Variants in NUP58 observed in about 807,000 individuals in gnomAD.
NUP58 encodes the protein nucleoporin p58/p45.
A neutral mutation model predicts 70.1 loss-of-function variants in NUP58; 17 were observed. The observed-to-expected ratio is 0.24, with a 90% confidence interval of 0.17 to 0.36. The LOEUF (loss-of-function observed/expected upper bound fraction) is 0.36, where lower values mean the gene tolerates loss of function less well. NUP58 is among the 10% of genes least tolerant of loss of function. NUP58 has a pLI of 1.00. For synonymous variants in NUP58, 275 were observed against 257.6 expected (o/e 1.07, Z -0.65); for missense variants, 644 against 701.5 (o/e 0.92, Z 0.93).
downstream of NUP58, among the ~76,000 whole-genome samples, chr13:25,344,006 TATACAA>T (rs1404871029): frequency 6.6e-6 from 1 of 152,066 alleles, no homozygotes; most frequent in Non-Finnish European, 1.5e-5. Context: ...CCCAAAATGC[TATACAA>T]ATATATACTC....
Position 25,301,894 on chromosome 13 carries a change from C to G in NUP58, c.107+14C>G. ...GGGAGCGTCTAGGTAACCGCACTTT[C>G]TCGCCTTCCTGGGCCGGATTCACCC... On this transcript the variant is annotated intron_variant, in intron 1 of 15. Transcript: ENST00000381736. The G allele has an allele frequency of 6.4e-7, 1 of 1,573,618 alleles. No homozygotes were observed. The highest frequency in any genetic ancestry group is 1.3e-5 in the African/African-American group (1 of 74,422).
rs143328918 is a variant in NUP58, at chr13:25,309,646, A to G, written c.286+364A>G. 3.7e-3 allele frequency among the ~76,000 whole-genome samples: 568 copies of G among 152,292 alleles called. 8 individuals carry two copies. The highest frequency in any genetic ancestry group is 0.013 in the African/African-American group (545 of 41,542). On this transcript the variant is annotated intron_variant, in intron 3 of 15. Coordinates refer to ENST00000381736, the MANE Select transcript of NUP58 (RefSeq NM_014089.4). Reference sequence around the variant, plus strand: ...TAAAATACTTGTGAGGCCTTAGGTAATGTTTGGGGCTTTTAGTTATCTATA... The same window carrying G: ...TAAAATACTTGTGAGGCCTTAGGTAGTGTTTGGGGCTTTTAGTTATCTATA...
At position 25,340,617 on chromosome 13, in the gene NUP58, T is replaced by G. The variant is rs2031925727; in HGVS notation, c.*483T>G. On this transcript the variant is annotated 3_prime_UTR_variant, in exon 16 of 16. Coordinates refer to ENST00000381736, the MANE Select transcript of NUP58 (RefSeq NM_014089.4). ...ATACAGAATAATACACACAGTTGTG[T>G]GTGCATATAAAATACATATTTACGC... The G allele has an allele frequency of 6.6e-6, 1 of 152,280 alleles. No individual in the cohort carries two copies. The highest frequency in any genetic ancestry group is 6.5e-5 in the Admixed American group (1 of 15,290). The allele number at this position is 152,280 out of a possible 1,614,324, so 9.4% of individuals were successfully genotyped here.
chr13:25,311,904 G>T (rs1446450873), intron 3 of NUP58, among the ~76,000 whole-genome samples: 2 of 152,112 alleles, frequency 1.3e-5, no homozygotes, highest in Non-Finnish European at 2.9e-5. Flanking sequence ...AGGATGACTG[G>T]TTTCTGGCTT....
At chr13:25,306,251 A>G (rs1287705371) in intron 1 of NUP58, among the ~76,000 whole-genome samples, 3 of 151,996 alleles carry the variant, frequency 2.0e-5, no homozygotes, top group African/African-American at 7.3e-5. Flanking sequence ...TAAAAATACA[A>G]AAAATTAGCT....
intron 12 of NUP58, 114 bp from the exon 13 acceptor site, chr13:25,331,243 G>T (rs1179615011): frequency 7.2e-6 from 7 of 973,046 alleles, no homozygotes; most frequent in East Asian, 2.6e-5. Flanking sequence ...TTGCAGTTTG[G>T]ATTGAATGTA....
intron 13 of NUP58, chr13:25,335,220 A>T: frequency 1.0e-6 from 1 of 985,124 alleles, no homozygotes; most frequent in East Asian, 1.1e-4. Flanking sequence ...ATCATTAGAT[A>T]TGAGTTCTTG....
At chr13:25,322,265 T>G (rs2031218113) in intron 9 of NUP58, among the ~76,000 whole-genome samples, 1 of 152,232 alleles carries the variant, frequency 6.6e-6, no homozygotes, top group Non-Finnish European at 1.5e-5. Context: ...TTAAAGGTGC[T>G]TTTGGGTCTT....
chr13:25,332,816 T>A (rs1593198120), intron 13 of NUP58: 2 of 985,428 alleles, frequency 2.0e-6, no homozygotes, highest in Middle Eastern at 5.2e-4. Flanking sequence ...AAAAAGTCAT[T>A]ATGGGATTGA....
downstream of NUP58, among the ~76,000 whole-genome samples, chr13:25,347,129 A>C (rs924651654): frequency 6.6e-6 from 1 of 152,158 alleles, no homozygotes. Flanking sequence ...TGTGAAATGT[A>C]GTATTGACTG....
rs552258921 is a variant in NUP58 at position 25,315,698 on chromosome 13, CTT to C, written c.685+235_685+236del. 7.2e-5 allele frequency among the ~76,000 whole-genome samples: 11 copies of C among 152,022 alleles called. No individual in the cohort carries two copies. The South Asian group carries it at 1.5e-3, about 20-fold the overall frequency. ...CAGAAGCATTTGTCTGTCAGTAACT[CTT>C]TTTAAATATTTTAATGCTGCTTAAT... On this transcript the variant is annotated intron_variant, in intron 6 of 15. Coordinates refer to ENST00000381736, the MANE Select transcript of NUP58 (RefSeq NM_014089.4).
chr13:25,316,748 C>G (rs1487876992), intron 6 of NUP58, among the ~76,000 whole-genome samples: 1 of 152,012 alleles, frequency 6.6e-6, no homozygotes, highest in Non-Finnish European at 1.5e-5. Flanking sequence ...TGTTTTTAGG[C>G]TCAAAGAGCA....
chr13:25,346,131 A>G (rs555776529), downstream of NUP58, among the ~76,000 whole-genome samples: 2 of 152,328 alleles, frequency 1.3e-5, no homozygotes, highest in Admixed American at 6.5e-5. Flanking sequence ...TTAGGAATAT[A>G]AATACATATG....
intron 1 of NUP58, chr13:25,302,860 C>G (rs2030096595): frequency 2.4e-6 from 1 of 424,398 alleles, no homozygotes. Flanking sequence ...GTTATTCTTA[C>G]TCTACTCGCT....
intron 9 of NUP58, among the ~76,000 whole-genome samples, chr13:25,324,386 G>T (rs74042920): frequency 0.021 from 3,231 of 152,228 alleles, 128 homozygotes; most frequent in African/African-American, 0.075. Context: ...ACATTGGCTG[G>T]AATTGTAGAA....
intron 10 of NUP58, 78 bp downstream of exon 10, chr13:25,325,146 T>A: frequency 2.0e-6 from 2 of 980,758 alleles, no homozygotes; most frequent in Non-Finnish European, 3.1e-6. Flanking sequence ...ACAAACTAAA[T>A]ATTTTTAGTA....
chr13:25,328,152 T>A (rs1484198683), intron 12 of NUP58, among the ~76,000 whole-genome samples: 1 of 149,688 alleles, frequency 6.7e-6, no homozygotes, highest in Non-Finnish European at 1.5e-5. Context: ...TGAGCCGAGA[T>A]CACACCACTG....
At chr13:25,319,102 A>G (rs2137766715) in intron 6 of NUP58, among the ~76,000 whole-genome samples, 1 of 152,252 alleles carries the variant, frequency 6.6e-6, no homozygotes, top group Admixed American at 6.5e-5. Flanking sequence ...TTGAAAGTAT[A>G]TGTACATCTG....
chr13:25,347,161 G>A (rs551516751), downstream of NUP58, among the ~76,000 whole-genome samples: 1 of 152,310 alleles, frequency 6.6e-6, no homozygotes, highest in Admixed American at 6.5e-5. Context: ...GAGGTCAGAT[G>A]TGGAATTTTC....
Sources: gnomAD v4.1 joint callset for allele counts (sites outside exome capture counted in the v4.1 genomes callset) on GRCh38, gnomAD v4.1.1 for gene constraint, MANE v1.5 for transcripts, NCBI Gene and HGNC (gene_info 2026-07-23, HGNC 2026-07-21) for gene names.